FSIP1: variants seen among roughly 807,000 people sequenced by gnomAD.
FSIP1 encodes fibrous sheath interacting protein 1.
In FSIP1, 65 loss-of-function variants were observed where a neutral mutation model predicts 60.9. The observed-to-expected ratio is 1.07, with a 90% confidence interval of 0.87 to 1.31. The LOEUF (loss-of-function observed/expected upper bound fraction) is 1.31. FSIP1 is among the 40% of genes most tolerant of loss of function. The pLI is 0.00. For synonymous variants in FSIP1, 209 were observed against 221.2 expected (o/e 0.94, Z 0.49); for missense variants, 675 against 665.5 (o/e 1.01, Z -0.16).
intron 8 of FSIP1, among the ~76,000 whole-genome samples, chr15:39,727,226 T>A (rs1896234264): frequency 6.6e-6 from 1 of 152,218 alleles, no homozygotes; most frequent in Admixed American, 6.5e-5. Flanking sequence ...TTCCATATTA[T>A]CTCATCAAAC....
chr15:39,614,537 C>T lies in FSIP1; in HGVS notation c.1699+3198G>A, dbSNP rs539680547. Among the ~76,000 whole-genome samples, 4 of 150,958 alleles carry T rather than the reference C, an allele frequency of 2.6e-5. No homozygotes were observed. In the East Asian group the frequency reaches 5.9e-4, roughly 22 times the overall value. On this transcript the variant is annotated intron_variant, in intron 11 of 11. Transcript: ENST00000350221. Reference sequence around the variant, plus strand: ...GCACGCACCTGTAATTTTGGCTACTCGGGAGGCTGAGGCAGGAGAATCGCC... The same window carrying T: ...GCACGCACCTGTAATTTTGGCTACTTGGGAGGCTGAGGCAGGAGAATCGCC...
intron 10 of FSIP1, among the ~76,000 whole-genome samples, chr15:39,712,799 C>T (rs1338803693): frequency 1.3e-5 from 2 of 152,170 alleles, no homozygotes; most frequent in African/African-American, 4.8e-5. Flanking sequence ...TCAGGAATGA[C>T]ATGTCTTTAT....
chr15:39,765,073 G>A (rs192035943), intron 4 of FSIP1, among the ~76,000 whole-genome samples: 1 of 152,120 alleles, frequency 6.6e-6, no homozygotes, highest in East Asian at 1.9e-4. Flanking sequence ...TCTGAATGTT[G>A]CAGACCAAGT....
chr15:39,762,010 G>C (rs901879440), intron 5 of FSIP1, among the ~76,000 whole-genome samples: 1 of 152,200 alleles, frequency 6.6e-6, no homozygotes, highest in African/African-American at 2.4e-5. Context: ...TTTGGCTGGA[G>C]ATGCCTGGAG....
At chr15:39,642,452 T>A (rs899685810) in intron 10 of FSIP1, among the ~76,000 whole-genome samples, 5 of 152,210 alleles carry the variant, frequency 3.3e-5, no homozygotes, top group Admixed American at 3.3e-4. Context: ...GGGGCGGCTC[T>A]TAGCAGCCTG....
chr15:39,700,464 T>C (rs2254829), intron 10 of FSIP1, among the ~76,000 whole-genome samples: 124,075 of 152,220 alleles, frequency 0.82, 51,011 homozygotes, highest in Non-Finnish European at 0.87. Flanking sequence ...TTTGTTTGCA[T>C]TGAATTAAAT....
chr15:39,769,659 T>A (rs1404241247), intron 3 of FSIP1, among the ~76,000 whole-genome samples: 1 of 152,212 alleles, frequency 6.6e-6, no homozygotes, highest in Non-Finnish European at 1.5e-5. Context: ...AAGATGCATA[T>A]TTAAGGGTCA....
chr15:39,696,381 C>A (rs1228427841), intron 10 of FSIP1, among the ~76,000 whole-genome samples: 1 of 152,086 alleles, frequency 6.6e-6, no homozygotes. Flanking sequence ...CAATAAACAA[C>A]TGAAAACATG....
At chr15:39,638,734 T>C (rs1309440499) in intron 10 of FSIP1, among the ~76,000 whole-genome samples, 1 of 151,896 alleles carries the variant, frequency 6.6e-6, no homozygotes, top group Non-Finnish European at 1.5e-5. Flanking sequence ...GAAAAGAAGG[T>C]AATAACAAGG....
intron 10 of FSIP1, among the ~76,000 whole-genome samples, chr15:39,674,169 C>T (rs954519315): frequency 3.3e-5 from 5 of 152,052 alleles, no homozygotes; most frequent in Admixed American, 3.3e-4. Flanking sequence ...ATTCTCCTGC[C>T]TCAGCCTACC....
chr15:39,698,067 T>C (rs961093090), intron 10 of FSIP1, among the ~76,000 whole-genome samples: 1 of 151,660 alleles, frequency 6.6e-6, no homozygotes, highest in African/African-American at 2.4e-5. Flanking sequence ...AACTGCCCTG[T>C]CAATAGTCAC....
intron 8 of FSIP1, among the ~76,000 whole-genome samples, 168 bp downstream of exon 8, chr15:39,737,923 G>A (rs1043940162): frequency 2.6e-5 from 4 of 151,858 alleles, no homozygotes; most frequent in Non-Finnish European, 5.9e-5. Flanking sequence ...GAACACCCGC[G>A]GTATTTTGTT....
chr15:39,768,715 A>G (rs1015306607), intron 3 of FSIP1, among the ~76,000 whole-genome samples: 4 of 152,246 alleles, frequency 2.6e-5, no homozygotes, highest in Non-Finnish European at 5.9e-5. Context: ...GCCTATTCAG[A>G]TAATTGGACA....
intron 5 of FSIP1, among the ~76,000 whole-genome samples, chr15:39,762,763 C>T (rs893153203): frequency 1.3e-5 from 2 of 152,140 alleles, no homozygotes; most frequent in African/African-American, 4.8e-5. Context: ...ATATATCAAT[C>T]AAAGTTGTTC....
At chr15:39,642,738 T>G (rs1481152631) in intron 10 of FSIP1, among the ~76,000 whole-genome samples, 1 of 152,238 alleles carries the variant, frequency 6.6e-6, no homozygotes, top group Non-Finnish European at 1.5e-5. Flanking sequence ...TTTGTTTGTC[T>G]GTTTTGCTAA....
At chr15:39,756,903 T>G (rs1897317347) in intron 5 of FSIP1, among the ~76,000 whole-genome samples, 1 of 152,160 alleles carries the variant, frequency 6.6e-6, no homozygotes, top group African/African-American at 2.4e-5. Flanking sequence ...ACATCAGGAC[T>G]AATCTAACAT....
intron 5 of FSIP1, among the ~76,000 whole-genome samples, chr15:39,752,116 T>C (rs1016646567): frequency 2.6e-5 from 4 of 151,964 alleles, no homozygotes; most frequent in African/African-American, 7.2e-5. Flanking sequence ...TTTAATGAGG[T>C]TCCCATTGTC....
intron 10 of FSIP1, among the ~76,000 whole-genome samples, chr15:39,695,145 C>T (rs781480633): frequency 6.6e-6 from 1 of 152,144 alleles, no homozygotes; most frequent in Non-Finnish European, 1.5e-5. Flanking sequence ...ATGCAATAGG[C>T]ATGCCATGCC....
At chr15:39,654,971 C>T (rs1410360136) in intron 10 of FSIP1, among the ~76,000 whole-genome samples, 1 of 152,140 alleles carries the variant, frequency 6.6e-6, no homozygotes, top group African/African-American at 2.4e-5. Context: ...ATGGTTTCTC[C>T]AATAATCAGT....
Sources: gnomAD v4.1 joint callset for allele counts (sites outside exome capture counted in the v4.1 genomes callset) on GRCh38, gnomAD v4.1.1 for gene constraint, MANE v1.5 for transcripts, NCBI Gene and HGNC (gene_info 2026-07-23, HGNC 2026-07-21) for gene names.